MARK1: variants seen among roughly 807,000 people sequenced by gnomAD.
The protein encoded by MARK1 is serine/threonine-protein kinase MARK1.
In MARK1, 40 loss-of-function variants were observed where a neutral mutation model predicts 96.3. The ratio of observed to expected loss-of-function variants is 0.42; its 90% CI spans 0.32 to 0.54. The LOEUF (loss-of-function observed/expected upper bound fraction) is 0.54, where lower values mean the gene tolerates loss of function less well. MARK1 is among the 20% of genes least tolerant of loss of function. MARK1 has a pLI of 0.16. For missense variants in MARK1, 719 were observed against 984.6 expected, an observed-to-expected ratio of 0.73 and a Z score of 3.61; for synonymous variants, 317 against 341.2, an observed-to-expected ratio of 0.93 and a Z score of 0.78.
chr1:220,645,130 A>T (rs1326883159), intron 13 of MARK1, among the ~76,000 whole-genome samples: 1 of 152,172 alleles, frequency 6.6e-6, no homozygotes, highest in Non-Finnish European at 1.5e-5. Context: ...TCAATAATCC[A>T]GAAGTTGGTT....
At chr1:220,657,676 CTG>C (rs924362323) in intron 16 of MARK1, 112 bp from the exon 17 acceptor site, 2 of 654,842 alleles carry the variant, frequency 3.1e-6, no homozygotes, top group African/African-American at 3.8e-5. Context: ...TAATAGAAAA[CTG>C]TCATGGTAGA....
At chr1:220,619,476 AAAAAT>A (rs1475933862) in intron 9 of MARK1, among the ~76,000 whole-genome samples, 5 of 152,338 alleles carry the variant, frequency 3.3e-5, no homozygotes, top group African/African-American at 7.2e-5. Flanking sequence ...TCTATCATAA[AAAAAT>A]AAAATAAAAT....
Position 220,530,471 on chromosome 1 carries a change from A to G in MARK1, c.51+1598A>G, listed in dbSNP as rs576777435. ...GTGAATGAAAAGTATGACAGATGAT[A>G]ACCTTTGTTTTTATTAGCAAATTAC... On this transcript the variant is annotated intron_variant, in intron 1 of 17. Transcript: ENST00000366917. 8.5e-5 allele frequency among the ~76,000 whole-genome samples: 13 copies of G among 152,308 alleles called. No individual in the cohort carries two copies. In the South Asian group the frequency reaches 2.3e-3, roughly 27 times the overall value.
In MARK1 at chr1:220,654,138, A is replaced by C. The variant is rs1669048026; in HGVS notation, c.1988+786A>C. 6.6e-6 allele frequency among the ~76,000 whole-genome samples: 1 copy of C among 152,172 alleles called. No individual in the cohort carries two copies. The highest frequency in any genetic ancestry group is 2.4e-5 in the African/African-American group (1 of 41,418). ...ATAGTCTTGTAAGAAGCAGACAAAC[A>C]ACTAGCCATGATATAAAGCAGAACA... On this transcript the variant is annotated intron_variant, in intron 16 of 17. Coordinates refer to ENST00000366917, the MANE Select transcript of MARK1 (RefSeq NM_018650.5). The surrounding 1 kb of genome is among the most constrained non-coding windows in gnomAD (Gnocchi z 4.0).
chr1:220,533,253 G>A (rs1462510506), intron 1 of MARK1, among the ~76,000 whole-genome samples: 1 of 152,124 alleles, frequency 6.6e-6, no homozygotes, highest in African/African-American at 2.4e-5. Flanking sequence ...GAACAGTGGT[G>A]GATGTATATA....
chr1:220,545,069 T>A (rs1030436164), intron 1 of MARK1, among the ~76,000 whole-genome samples: 1 of 152,080 alleles, frequency 6.6e-6, no homozygotes, highest in Non-Finnish European at 1.5e-5. Flanking sequence ...GCGGGCCAGG[T>A]GCTCAAGAAA....
intron 2 of MARK1, among the ~76,000 whole-genome samples, chr1:220,580,437 C>T (rs1664156316): frequency 1.3e-5 from 2 of 151,928 alleles, no homozygotes; most frequent in Non-Finnish European, 2.9e-5. Context: ...GGTAGCACCA[C>T]TGCACTCCAG....
rs1405399053 is a variant in MARK1 at position 220,652,090 on chromosome 1, G to T, written c.1676G>T (p.Gly559Val). 6.2e-7 allele frequency: 1 copy of T among 1,613,474 alleles called. No homozygotes were observed. Reference protein sequence around the residue: ...PRHQKSMSTSGHPIKVTLPTI... With the variant: ...PRHQKSMSTSVHPIKVTLPTI... ...CACCAGAAGTCCATGTCCACTTCTGGTCATCCTATTAAAGTCACACTGCCA... is the reference window on the plus strand; with the variant it reads ...CACCAGAAGTCCATGTCCACTTCTGTTCATCCTATTAAAGTCACACTGCCA... Residue 559 changes from glycine to valine, a missense_variant, in exon 15 of 18, where the codon GGT becomes GTT. By Grantham distance (109) the Gly-to-Val change is moderately radical (BLOSUM62 -3). Coordinates refer to ENST00000366917, the MANE Select transcript of MARK1 (RefSeq NM_018650.5).
chr1:220,537,464 C>T (rs934717570), intron 1 of MARK1, among the ~76,000 whole-genome samples: 1 of 151,516 alleles, frequency 6.6e-6, no homozygotes, highest in Admixed American at 6.6e-5. Context: ...ATATGTGCCA[C>T]ATTTTCTTAC....
intron 1 of MARK1, among the ~76,000 whole-genome samples, chr1:220,560,363 C>T (rs1662582963): frequency 6.6e-6 from 1 of 152,204 alleles, no homozygotes; most frequent in Non-Finnish European, 1.5e-5. Flanking sequence ...TTTGCAACTT[C>T]ATGGTTAGAT....
intron 1 of MARK1, among the ~76,000 whole-genome samples, chr1:220,553,180 C>G (rs1006040406): frequency 1.3e-5 from 2 of 152,290 alleles, no homozygotes; most frequent in Admixed American, 6.5e-5. Flanking sequence ...CATACTCTTT[C>G]TAAGTCCTTG....
At chr1:220,572,571 C>G (rs1663550061) in intron 1 of MARK1, among the ~76,000 whole-genome samples, 1 of 152,150 alleles carries the variant, frequency 6.6e-6, no homozygotes, top group Non-Finnish European at 1.5e-5. Flanking sequence ...GTTGTTCTTT[C>G]AGCTATTGAG....
chr1:220,652,941 A>G (rs1190992203), intron 15 of MARK1, among the ~76,000 whole-genome samples, 160 bp from the exon 16 acceptor site: 1 of 152,198 alleles, frequency 6.6e-6, no homozygotes, highest in African/African-American at 2.4e-5. Flanking sequence ...CCTAATTTCA[A>G]ACTGAAATTT....
intron 9 of MARK1, chr1:220,626,999 G>A (rs1052819312): frequency 1.9e-5 from 10 of 531,988 alleles, no homozygotes; most frequent in Middle Eastern, 3.2e-4. Flanking sequence ...TCCATACAGC[G>A]ACTACTTGGA....
At chr1:220,580,245 G>A (rs1213674406) in intron 2 of MARK1, among the ~76,000 whole-genome samples, 2 of 151,994 alleles carry the variant, frequency 1.3e-5, no homozygotes, top group Admixed American at 6.6e-5. Flanking sequence ...CACCTTGGGA[G>A]GCTGAAGTGG....
At chr1:220,572,572 A>G (rs1451395772) in intron 1 of MARK1, among the ~76,000 whole-genome samples, 1 of 152,112 alleles carries the variant, frequency 6.6e-6, no homozygotes, top group Non-Finnish European at 1.5e-5. Context: ...TTGTTCTTTC[A>G]GCTATTGAGA....
At chr1:220,574,482 C>G (rs1389221620) in intron 1 of MARK1, among the ~76,000 whole-genome samples, 1 of 152,106 alleles carries the variant, frequency 6.6e-6, no homozygotes, top group Non-Finnish European at 1.5e-5. Context: ...CCTCAGACTC[C>G]TTTTTAGCCG....
At chr1:220,559,152 A>G (rs1662494787) in intron 1 of MARK1, among the ~76,000 whole-genome samples, 1 of 152,244 alleles carries the variant, frequency 6.6e-6, no homozygotes, top group African/African-American at 2.4e-5. Context: ...AAGATGAATA[A>G]AACAGAAGGG....
chr1:220,579,297 C>A, intron 1 of MARK1, 57 bp from the exon 2 acceptor site: 2 of 1,177,704 alleles, frequency 1.7e-6, no homozygotes, highest in Non-Finnish European at 2.5e-6. Context: ...ACTCTTTTTA[C>A]TTGTCCTTTT....
Sources: allele counts gnomAD v4.1 joint callset (sites outside exome capture counted in the v4.1 genomes callset), GRCh38; gene constraint gnomAD v4.1.1; non-coding constraint Gnocchi (gnomAD v3.1); transcripts MANE v1.5; gene names NCBI Gene and HGNC (gene_info 2026-07-23, HGNC 2026-07-21).